The following TBC1D7 variants were observed in gnomAD, a reference collection of about 807,000 sequenced individuals.
TBC1D7 encodes the protein TBC1 domain family member 7.
A neutral mutation model predicts 35.3 loss-of-function variants in TBC1D7; 33 were observed. The ratio of observed to expected loss-of-function variants is 0.93; its 90% confidence interval spans 0.71 to 1.25. The LOEUF is 1.25. Among genes scored for constraint, TBC1D7 ranks in the 50% most tolerant of loss-of-function variants. The probability of loss-of-function intolerance (pLI) is 0.00; values close to 1 mark genes in which losing one functional copy is unlikely to be tolerated. For missense variants in TBC1D7, 362 were observed against 365.3 expected (o/e 0.99, Z 0.07); for synonymous variants, 135 against 129.5 (o/e 1.04, Z -0.29).
At position 13,307,723 on chromosome 6, in the gene TBC1D7, A is replaced by G; in HGVS notation, c.542T>C (p.Leu181Ser). Residue 181 changes from leucine to serine, a missense_variant, in exon 6 of 8, where the codon TTG (leucine) becomes TCG (serine). Transcript: ENST00000379300. The part of the protein sequence containing the change: ...PQLPKAFEQY[L>S]NLEDGRLLTH... ...CAGCAGTCTGCCATCTTCCAGATTC[A>G]AGTATTGTTCAAACGCTTTTGGCTA... 2 of 1,614,094 alleles carry G rather than the reference A, an allele frequency of 1.2e-6. No individual in the cohort carries two copies. The highest frequency in any genetic ancestry group is 1.7e-6 in the Non-Finnish European group (2 of 1,179,988).
chr6:13,325,918 C>T (rs930366436), intron 2 of TBC1D7, among the ~76,000 whole-genome samples: 3 of 152,216 alleles, frequency 2.0e-5, no homozygotes, highest in Admixed American at 2.0e-4. Flanking sequence ...CAATAAATTA[C>T]AGTGACTTCC....
intron 4 of TBC1D7, chr6:13,320,155 A>T (rs1783925640): frequency 6.6e-6 from 1 of 152,406 alleles, no homozygotes; most frequent in Admixed American, 6.5e-5. Flanking sequence ...CATGAAAGAT[A>T]AAAAAAGACA....
At chr6:13,314,043 C>T (rs112941879) in intron 5 of TBC1D7, among the ~76,000 whole-genome samples, 2,665 of 152,066 alleles carry the variant, frequency 0.018, 73 homozygotes, top group African/African-American at 0.06. Context: ...ACGGTGAAAC[C>T]CCATCTCTAC....
Position 13,306,395 on chromosome 6 carries a change from T to TAA in TBC1D7, c.795+2_795+3insTT. 6.3e-7 allele frequency: 1 copy of TAA among 1,582,204 alleles called. No homozygotes were observed. Among genetic ancestry groups the TAA allele is most frequent in the South Asian group, 1.2e-5 (1 of 83,782 alleles). On this transcript the variant is annotated splice_region_variant and intron_variant, in intron 7 of 7. Transcript: ENST00000379300. ...ATTCAAAATCAAATCAAAGCACACT[T>TAA]ACATTTTCCAGAAACTTTGTTATCT...
intron 4 of TBC1D7, chr6:13,318,823 A>T (rs1347249878): frequency 6.6e-6 from 1 of 152,274 alleles, no homozygotes; most frequent in Non-Finnish European, 1.5e-5. Flanking sequence ...GAAAGAATGA[A>T]GGAGTTAGAT....
Position 13,320,495 on chromosome 6 carries a change from AACAAAGCAAAACAGATGCAC to A in TBC1D7, c.381+393_381+412del, listed in dbSNP as rs1238198230. On this transcript the variant is annotated intron_variant, in intron 4 of 7. Coordinates refer to ENST00000379300, the MANE Select transcript of TBC1D7 (RefSeq NM_016495.6). ...TGTTTAAAAAAATACGTTTTAAAAC[AACAAAGCAAAACAGATGCAC>A]ACAAAGCAAAACAGATGCTTAAAGC... 2.7e-5 allele frequency: 13 copies of A among 488,988 alleles called. No homozygotes were observed. The Admixed American group carries it at 3.8e-4, about 14-fold the overall frequency. The allele number at this position is 488,988 out of a possible 1,614,324, so 30.3% of individuals were successfully genotyped here.
At chr6:13,327,008 C>T in intron 1 of TBC1D7, 102 bp from the exon 2 acceptor site, 1 of 661,570 alleles carries the variant, frequency 1.5e-6, no homozygotes, top group Non-Finnish European at 2.5e-6. Flanking sequence ...CAATGATGTT[C>T]TCCACCTTTT....
chr6:13,321,628 A>G (rs1190774328), intron 3 of TBC1D7, among the ~76,000 whole-genome samples: 1 of 152,210 alleles, frequency 6.6e-6, no homozygotes, highest in Non-Finnish European at 1.5e-5. Context: ...ATGACATATT[A>G]AGCTCCTTAA....
intron 4 of TBC1D7, chr6:13,318,853 T>A (rs922030151): frequency 6.6e-6 from 1 of 152,186 alleles, no homozygotes; most frequent in African/African-American, 2.4e-5. Context: ...GCAATCAGCA[T>A]AGTAAAAATT....
chr6:13,327,976 T>G (rs1784512047), intron 1 of TBC1D7: 1 of 152,170 alleles, frequency 6.6e-6, no homozygotes, highest in Non-Finnish European at 1.5e-5. Context: ...AGATTAGGAT[T>G]CGTTTAGAAA....
At position 13,311,580 on chromosome 6, in the gene TBC1D7, A is replaced by C. The variant is rs142722868; in HGVS notation, c.520-3835T>G. On this transcript the variant is annotated intron_variant, in intron 5 of 7. Transcript: ENST00000379300. ...GCCGAAATCAAACAGCAAGCAACAC[A>C]AGGAAGTTTAGGTTTTGTATACATT... Among the ~76,000 whole-genome samples, 3 of 152,326 alleles carry C rather than the reference A, an allele frequency of 2.0e-5. No individual in the cohort carries two copies. The East Asian group carries it at 5.8e-4, about 29-fold the overall frequency.
chr6:13,309,931 C>T (rs1242401166), intron 5 of TBC1D7, among the ~76,000 whole-genome samples: 1 of 152,160 alleles, frequency 6.6e-6, no homozygotes, highest in Non-Finnish European at 1.5e-5. Context: ...TAAAAACATG[C>T]TCAACCTTGC....
intron 5 of TBC1D7, among the ~76,000 whole-genome samples, chr6:13,314,579 A>G (rs1025959324): frequency 4.6e-5 from 7 of 152,242 alleles, no homozygotes; most frequent in Non-Finnish European, 1.0e-4. Flanking sequence ...CTCCATTTCC[A>G]GGCTGAAATT....
intron 4 of TBC1D7, chr6:13,320,160 AAGAC>A (rs1783926630): frequency 6.6e-6 from 1 of 152,450 alleles, no homozygotes; most frequent in Non-Finnish European, 1.5e-5. Flanking sequence ...AAGATAAAAA[AAGAC>A]AGAACTGTCC....
chr6:13,316,098 C>G (rs1783590076), intron 5 of TBC1D7, among the ~76,000 whole-genome samples: 1 of 152,230 alleles, frequency 6.6e-6, no homozygotes, highest in Non-Finnish European at 1.5e-5. Context: ...AGAATGGCAG[C>G]AGTCTGCAAC....
intron 5 of TBC1D7, among the ~76,000 whole-genome samples, chr6:13,315,588 G>A (rs1482077400): frequency 6.6e-6 from 1 of 152,068 alleles, no homozygotes; most frequent in African/African-American, 2.4e-5. Context: ...GTGGTGGCAG[G>A]CACCTGTAAT....
At chr6:13,305,324 C>T (rs577286352) in intron 7 of TBC1D7, 137 bp from the exon 8 acceptor site, 83 of 801,410 alleles carry the variant, frequency 1.0e-4, no homozygotes, top group African/African-American at 5.4e-4. Flanking sequence ...AAAAGACTTG[C>T]GTCACATGCT....
At chr6:13,319,837 T>A (rs79870549) in intron 4 of TBC1D7, 1 of 152,306 alleles carries the variant, frequency 6.6e-6, no homozygotes, top group African/African-American at 2.4e-5. Flanking sequence ...GATGTTTACA[T>A]AGCAGTTTTA....
intron 2 of TBC1D7, among the ~76,000 whole-genome samples, chr6:13,326,229 G>A (rs1018951568): frequency 5.9e-5 from 9 of 152,104 alleles, no homozygotes; most frequent in Admixed American, 1.3e-4. Flanking sequence ...TTGGGAGGCC[G>A]AGGTGGGTGG....
Sources: gnomAD v4.1 joint callset for allele counts (sites outside exome capture counted in the v4.1 genomes callset) on GRCh38, gnomAD v4.1.1 for gene constraint, MANE v1.5 for transcripts, NCBI Gene and HGNC (gene_info 2026-07-23, HGNC 2026-07-21) for gene names.